The following SLCO3A1 variants were observed in gnomAD, a reference collection of about 807,000 sequenced individuals.
SLCO3A1 encodes the protein solute carrier organic anion transporter family member 3A1, also known as PGE1 transporter.
SLCO3A1 carries 27 observed loss-of-function variants against 63.1 expected under a neutral mutation model. That is an observed-to-expected ratio of 0.43 (90% CI 0.32 to 0.59). SLCO3A1 has a LOEUF of 0.59. Among genes scored for constraint, SLCO3A1 ranks in the 20% least tolerant of loss-of-function variants. SLCO3A1 has a pLI of 0.09. For synonymous variants in SLCO3A1, 473 were observed against 409.9 expected (o/e 1.15, Z -1.86); for missense variants, 773 against 945.8 (o/e 0.82, Z 2.40).
At chr15:92,120,377 A>C in intron 4 of SLCO3A1, 88 bp from the exon 5 acceptor site, 1 of 1,399,654 alleles carries the variant, frequency 7.1e-7, no homozygotes, top group Middle Eastern at 1.8e-4. Flanking sequence ...AGAGCGGGCC[A>C]AGAAGGGGCC....
At chr15:92,154,138 C>T (rs942188722) in intron 9 of SLCO3A1, among the ~76,000 whole-genome samples, 14 of 152,204 alleles carry the variant, frequency 9.2e-5, no homozygotes, top group Middle Eastern at 6.8e-3. Context: ...AGGCTCGTGC[C>T]GAGATGGTGC....
intron 10 of SLCO3A1, chr15:92,171,169 G>C (rs1463881422): frequency 1.3e-5 from 2 of 152,394 alleles, no homozygotes; most frequent in Non-Finnish European, 2.9e-5. Context: ...GACCTGCACA[G>C]CTTGTGAATC....
At chr15:92,143,469 A>T (rs56316706) in intron 7 of SLCO3A1, among the ~76,000 whole-genome samples, 2 of 21,194 alleles carry the variant, frequency 9.4e-5, no homozygotes, top group Admixed American at 1.3e-3. Context: ...AATATATATA[A>T]ATATATATAT....
chr15:92,018,028 C>T (rs116247338), intron 2 of SLCO3A1, among the ~76,000 whole-genome samples: 1,563 of 152,174 alleles, frequency 0.01, 25 homozygotes, highest in African/African-American at 0.035. Context: ...GAGGTGCCAG[C>T]GATGAGATGA....
At position 92,150,903 on chromosome 15, in the gene SLCO3A1, A is replaced by C. The variant is rs1240153449; in HGVS notation, c.1689-47A>C. ...TCTGGGGTCTGTTAATTACAGGGGA[A>C]TGATAAAAATCTGGTTTTTTTTTTC... On this transcript the variant is annotated intron_variant, in intron 8 of 9. Coordinates refer to ENST00000318445, the MANE Select transcript of SLCO3A1 (RefSeq NM_013272.4). 4.3e-6 allele frequency: 6 copies of C among 1,399,112 alleles called. No individual in the cohort carries two copies. The African/African-American group carries it at 5.8e-5, about 13-fold the overall frequency. 86.7% of individuals were successfully genotyped at this position (1,399,112 alleles called of 1,614,324 possible). A position where few individuals can be genotyped will look rare whatever the true frequency, so the allele number is the denominator to read the frequency against.
At chr15:92,007,917 A>G (rs1421946004) in intron 2 of SLCO3A1, among the ~76,000 whole-genome samples, 1 of 152,182 alleles carries the variant, frequency 6.6e-6, no homozygotes, top group Non-Finnish European at 1.5e-5. Flanking sequence ...TTTTGGAAGC[A>G]TCTCTTTTCA....
intron 2 of SLCO3A1, among the ~76,000 whole-genome samples, chr15:91,953,567 G>A (rs944911555): frequency 2.6e-5 from 4 of 152,182 alleles, no homozygotes; most frequent in Admixed American, 2.6e-4. Flanking sequence ...GTTGGGGCCT[G>A]CACTCACAGA....
At chr15:91,898,272 A>G (rs952358511) in intron 1 of SLCO3A1, among the ~76,000 whole-genome samples, 1 of 152,224 alleles carries the variant, frequency 6.6e-6, no homozygotes, top group African/African-American at 2.4e-5. Flanking sequence ...GTAACTGGAG[A>G]GACAATGCCT....
chr15:92,147,885 G>A (rs1189838859), intron 8 of SLCO3A1, among the ~76,000 whole-genome samples: 2 of 152,216 alleles, frequency 1.3e-5, no homozygotes, highest in African/African-American at 4.8e-5. Context: ...CTAACACATA[G>A]GCTGCCATTC....
intron 2 of SLCO3A1, among the ~76,000 whole-genome samples, chr15:92,090,418 C>T (rs2047457543): frequency 6.6e-6 from 1 of 152,214 alleles, no homozygotes; most frequent in Non-Finnish European, 1.5e-5. Flanking sequence ...CACTGAAGGC[C>T]TGTGTACAGA....
At chr15:91,858,906 C>T (rs1190528764) in intron 1 of SLCO3A1, among the ~76,000 whole-genome samples, 1 of 152,224 alleles carries the variant, frequency 6.6e-6, no homozygotes, top group Non-Finnish European at 1.5e-5. Flanking sequence ...GATGAGGATA[C>T]AGCTGCATTT....
chr15:92,055,199 G>A (rs1357957052), intron 2 of SLCO3A1, among the ~76,000 whole-genome samples: 4 of 152,184 alleles, frequency 2.6e-5, no homozygotes, highest in Non-Finnish European at 4.4e-5. Context: ...TCTCTAATCA[G>A]TGATGTTGAG....
Position 91,902,323 on chromosome 15 carries a change from A to G in SLCO3A1, c.181-13670A>G, listed in dbSNP as rs187341066. Among the ~76,000 whole-genome samples the G allele has an allele frequency of 2.6e-5, 4 of 152,096 alleles. No homozygotes were observed. The East Asian group carries it at 5.8e-4, about 22-fold the overall frequency. ...GTGATTCTCCCACCCCAGCCTCCTG[A>G]GCAGCTAGGGCTCTCTCCAGTGTGT... On this transcript the variant is annotated intron_variant, in intron 1 of 9. Coordinates refer to ENST00000318445, the MANE Select transcript of SLCO3A1 (RefSeq NM_013272.4).
chr15:92,057,476 C>T (rs2047035654), intron 2 of SLCO3A1, among the ~76,000 whole-genome samples: 1 of 152,226 alleles, frequency 6.6e-6, no homozygotes, highest in African/African-American at 2.4e-5. Context: ...TGGATTTTCA[C>T]TCCCAACATG....
intron 2 of SLCO3A1, among the ~76,000 whole-genome samples, chr15:92,005,569 G>C (rs1426873404): frequency 6.6e-6 from 1 of 152,186 alleles, no homozygotes; most frequent in Admixed American, 6.5e-5. Context: ...TTAGGCTCAA[G>C]CACCTGCCTG....
intron 1 of SLCO3A1, among the ~76,000 whole-genome samples, chr15:91,880,741 C>G (rs1313925516): frequency 6.6e-6 from 1 of 151,882 alleles, no homozygotes; most frequent in East Asian, 1.9e-4. Flanking sequence ...TGGAGGTACT[C>G]CTGTTAGTTA....
intron 1 of SLCO3A1, among the ~76,000 whole-genome samples, chr15:91,895,728 T>G (rs1206754398): frequency 6.6e-6 from 1 of 152,244 alleles, no homozygotes. Context: ...TTAGGGTTAT[T>G]GCACCAAGCG....
At chr15:92,066,282 C>G (rs2047150592) in intron 2 of SLCO3A1, among the ~76,000 whole-genome samples, 1 of 152,162 alleles carries the variant, frequency 6.6e-6, no homozygotes, top group African/African-American at 2.4e-5. Context: ...GAAGAGTGAC[C>G]CAACGGAAAG....
chr15:91,954,374 A>G lies in SLCO3A1; in HGVS notation c.646+37916A>G, dbSNP rs990658933. On this transcript the variant is annotated intron_variant, in intron 2 of 9. Coordinates refer to ENST00000318445, the MANE Select transcript of SLCO3A1 (RefSeq NM_013272.4). This position sits in a 1 kb window ranked among gnomAD's most constrained non-coding sequence, Gnocchi z 4.7. ...CAGGACGGGCACTGTGCTGAGCCTC[A>G]GCCAGGCGGAGACGGGCGGGTACTG... 2.0e-5 allele frequency among the ~76,000 whole-genome samples: 3 copies of G among 152,232 alleles called. No homozygotes were observed. Among genetic ancestry groups the G allele is most frequent in the African/African-American group, 7.2e-5 (3 of 41,454 alleles).
Sources: allele counts gnomAD v4.1 joint callset (sites outside exome capture counted in the v4.1 genomes callset), GRCh38; gene constraint gnomAD v4.1.1; non-coding constraint Gnocchi (gnomAD v3.1); transcripts MANE v1.5; gene names NCBI Gene and HGNC (gene_info 2026-07-23, HGNC 2026-07-21).